NLRP4: variants seen among roughly 807,000 people sequenced by gnomAD.
The protein encoded by NLRP4 is NLR family pyrin domain containing 4, also known as NACHT, LRR and PYD domains-containing protein 4.
A neutral mutation model predicts 84.7 loss-of-function variants in NLRP4; 44 were observed. The observed-to-expected ratio is 0.52, with a 90% confidence interval of 0.41 to 0.67. The LOEUF (loss-of-function observed/expected upper bound fraction) is 0.67. Among genes scored for constraint, NLRP4 ranks in the 30% least tolerant of loss-of-function variants. The pLI, the probability that NLRP4 is intolerant of heterozygous loss-of-function variation, is 0.00. For missense variants in NLRP4, 1,260 were observed against 1,219.4 expected, an observed-to-expected ratio of 1.03 and a Z score of -0.50; for synonymous variants, 544 against 476.4, an observed-to-expected ratio of 1.14 and a Z score of -1.85.
intron 2 of NLRP4, among the ~76,000 whole-genome samples, chr19:55,855,321 C>A (rs780075543): frequency 5.3e-5 from 8 of 152,204 alleles, no homozygotes; most frequent in Non-Finnish European, 1.2e-4. Flanking sequence ...TGGGTACTTA[C>A]ACTTCTCTCT....
rs555239703 is a variant in NLRP4, at chr19:55,846,398, C to G, written c.-65-5618C>G. Reference sequence around the variant, plus strand: ...TAGTCTATATCTCTGTTTTGGTACACTCTGATCTTGACACTGTCTCCACAT... The same window carrying G: ...TAGTCTATATCTCTGTTTTGGTACAGTCTGATCTTGACACTGTCTCCACAT... On this transcript the variant is annotated intron_variant, in intron 1 of 9. Transcript: ENST00000301295. 2.0e-5 allele frequency among the ~76,000 whole-genome samples: 3 copies of G among 152,018 alleles called. No individual in the cohort carries two copies. The East Asian group carries it at 5.8e-4, about 29-fold the overall frequency.
intron 8 of NLRP4, among the ~76,000 whole-genome samples, chr19:55,878,345 A>AT (rs1256739499): frequency 1.3e-5 from 2 of 152,174 alleles, no homozygotes; most frequent in Admixed American, 6.5e-5. Context: ...GCTAGAACCC[A>AT]GCAGGTCAAG....
rs1429407365 is a variant in NLRP4 at position 55,878,879 on chromosome 19, C to G, written c.2782C>G (p.Leu928Val). ...CAGTAAGACCCTGCAGCAGCTCAAC[C>G]TGACCTTGAACACCTTGGACCACAC... ...TCSKTLQQLN[L>V]TLNTLDHTGV... is the part of the protein sequence containing the mutation. Residue 928 changes from leucine to valine, a missense_variant, in exon 9 of 10, where the codon CTG (leucine) becomes GTG (valine). Coordinates refer to ENST00000301295, the MANE Select transcript of NLRP4 (RefSeq NM_134444.5). 5 of 1,613,974 alleles carry G rather than the reference C, an allele frequency of 3.1e-6. No homozygotes were observed. The highest frequency in any genetic ancestry group is 4.2e-6 in the Non-Finnish European group (5 of 1,179,868).
chr19:55,856,186 G>T (rs904341960), intron 2 of NLRP4, among the ~76,000 whole-genome samples: 3 of 152,062 alleles, frequency 2.0e-5, no homozygotes, highest in African/African-American at 7.2e-5. Context: ...TAGAGATGGG[G>T]TTTCACCATG....
In NLRP4 at chr19:55,850,778, C is replaced by T. The variant is rs1255842754; in HGVS notation, c.-65-1238C>T. Among the ~76,000 whole-genome samples, 4 of 132,660 alleles carry T rather than the reference C, an allele frequency of 3.0e-5. 1 individual carries two copies. Among genetic ancestry groups the T allele is most frequent in the Non-Finnish European group, 4.7e-5 (3 of 64,122 alleles). The allele number at this position is 132,660 out of a possible 152,430, so 87.0% of individuals were successfully genotyped here. On this transcript the variant is annotated intron_variant, in intron 1 of 9. Coordinates refer to ENST00000301295, the MANE Select transcript of NLRP4 (RefSeq NM_134444.5). Reference sequence around the variant, plus strand: ...GGCTGCGGTGTAATTTCCGAGGCTGCGGTGTAATTCCCGAGGCTGCGGTGT... The same window carrying T: ...GGCTGCGGTGTAATTTCCGAGGCTGTGGTGTAATTCCCGAGGCTGCGGTGT...
intron 7 of NLRP4, among the ~76,000 whole-genome samples, chr19:55,871,877 C>T (rs1300624523): frequency 2.0e-5 from 3 of 146,840 alleles, no homozygotes; most frequent in Non-Finnish European, 4.5e-5. Context: ...ACAGAAGAGT[C>T]TCGCTCTGTC....
At position 55,881,725 on chromosome 19, in the gene NLRP4, T is replaced by G. The variant is rs1181843225; in HGVS notation, c.*138T>G. On this transcript the variant is annotated 3_prime_UTR_variant, in exon 10 of 10. Coordinates refer to ENST00000301295, the MANE Select transcript of NLRP4 (RefSeq NM_134444.5). ...GATTTCTGGCACCCCATTCATAGATTTGATATGATACACGTGGTTTTTATG... is the reference window on the plus strand; with the variant it reads ...GATTTCTGGCACCCCATTCATAGATGTGATATGATACACGTGGTTTTTATG... 1 of 552,212 alleles carries G rather than the reference T, an allele frequency of 1.8e-6. No individual in the cohort carries two copies. Among genetic ancestry groups the G allele is most frequent in the Admixed American group, 3.3e-5 (1 of 30,156 alleles). The allele number at this position is 552,212 out of a possible 1,614,324, so 34.2% of individuals were successfully genotyped here.
Position 55,878,969 on chromosome 19 carries a change from G to T in NLRP4, c.2867+5G>T, listed in dbSNP as rs760171268. 1.2e-6 allele frequency: 2 copies of T among 1,611,052 alleles called. No individual in the cohort carries two copies. The highest frequency in any genetic ancestry group is 1.7e-6 in the Non-Finnish European group (2 of 1,177,880). On this transcript the variant is annotated splice_donor_5th_base_variant and intron_variant, in intron 9 of 9. Transcript: ENST00000301295. ...GTGTGCCCTGCAGGTGCTCGGGTGA[G>T]CTGGGGTCTGTTGTGCTCTATGGGC...
rs983189428 is a variant in NLRP4, at chr19:55,878,855, A to C, written c.2758A>C (p.Ser920Arg). The change falls in exon 9 of 10, where the codon AGT becomes CGT. Residue 920 changes from serine (S) to arginine (R), a missense_variant. Coordinates refer to ENST00000301295, the MANE Select transcript of NLRP4 (RefSeq NM_134444.5). ...CKDLASVLTC[S>R]KTLQQLNLTL... ...GGATCTCGCGTCTGTTCTCACCTGC[A>C]GTAAGACCCTGCAGCAGCTCAACCT... 6.2e-7 allele frequency: 1 copy of C among 1,614,012 alleles called. No individual in the cohort carries two copies. The highest frequency in any genetic ancestry group is 1.1e-5 in the South Asian group (1 of 91,066).
chr19:55,864,985 C>A (rs2123046792), intron 5 of NLRP4, among the ~76,000 whole-genome samples: 1 of 152,110 alleles, frequency 6.6e-6, no homozygotes, highest in East Asian at 1.9e-4. Flanking sequence ...AACATTTAAA[C>A]AACATTTTAA....
At chr19:55,856,735 T>C (rs113125142) in intron 2 of NLRP4, among the ~76,000 whole-genome samples, 4,340 of 152,108 alleles carry the variant, frequency 0.029, 74 homozygotes, top group African/African-American at 0.05. Context: ...AGGATGGTCT[T>C]GATCTCTTGA....
chr19:55,871,183 T>A (rs1985167522), intron 7 of NLRP4, among the ~76,000 whole-genome samples, 186 bp downstream of exon 7: 1 of 152,186 alleles, frequency 6.6e-6, no homozygotes, highest in African/African-American at 2.4e-5. Flanking sequence ...CTGACTTCTG[T>A]GGCATGGATT....
intron 5 of NLRP4, among the ~76,000 whole-genome samples, 185 bp downstream of exon 5, chr19:55,862,344 T>C (rs71368878): frequency 1.8e-5 from 1 of 55,500 alleles, no homozygotes; most frequent in Non-Finnish European, 3.9e-5. Flanking sequence ...AGACCACTGA[T>C]TGGGTTTCAG....
At chr19:55,850,371 G>C in intron 1 of NLRP4, among the ~76,000 whole-genome samples, 1 of 53,968 alleles carries the variant, frequency 1.9e-5, no homozygotes, top group Admixed American at 1.8e-4. Context: ...TGTAATTTCC[G>C]AGGCTGCGGT....
intron 2 of NLRP4, among the ~76,000 whole-genome samples, chr19:55,855,100 C>T (rs907267448): frequency 6.6e-6 from 1 of 152,110 alleles, no homozygotes; most frequent in East Asian, 1.9e-4. Flanking sequence ...GTCTCAGCTA[C>T]CCTGGAAGCT....
intron 7 of NLRP4, among the ~76,000 whole-genome samples, chr19:55,871,320 G>T (rs1465339340): frequency 2.0e-5 from 3 of 152,148 alleles, no homozygotes; most frequent in African/African-American, 7.2e-5. Flanking sequence ...CAAAATGAAT[G>T]CACTTCATCA....
chr19:55,842,198 A>T (rs1331555675), intron 1 of NLRP4, among the ~76,000 whole-genome samples: 1 of 152,128 alleles, frequency 6.6e-6, no homozygotes, highest in East Asian at 1.9e-4. Context: ...GTTCTTAGTT[A>T]CCTCTTTAAA....
chr19:55,854,192 G>A (rs750786189), intron 2 of NLRP4, among the ~76,000 whole-genome samples: 3 of 151,964 alleles, frequency 2.0e-5, no homozygotes, highest in Admixed American at 6.6e-5. Context: ...GGCTGGTCTC[G>A]AACTCCTGAC....
At chr19:55,840,338 A>ATGTGTTTG (rs776659188) in intron 1 of NLRP4, among the ~76,000 whole-genome samples, 1 of 136,928 alleles carries the variant, frequency 7.3e-6, no homozygotes. Context: ...ACATATGTGT[A>ATGTGTTTG]TGTGTATGTG....
Sources: allele counts gnomAD v4.1 joint callset (sites outside exome capture counted in the v4.1 genomes callset), GRCh38; gene constraint gnomAD v4.1.1; transcripts MANE v1.5; gene names NCBI Gene and HGNC (gene_info 2026-07-23, HGNC 2026-07-21).